TUNAR: variants seen among roughly 807,000 people sequenced by gnomAD.
TUNAR encodes protein TUNAR.
At chr14:95,917,221 T>A (rs1889619101) in intron 2 of TUNAR, among the ~76,000 whole-genome samples, 1 of 152,248 alleles carries the variant, frequency 6.6e-6, no homozygotes, top group South Asian at 2.1e-4. Flanking sequence ...CTATAATTCA[T>A]CTGGAACTGA....
chr14:95,915,454 G>T (rs541134175), intron 2 of TUNAR, among the ~76,000 whole-genome samples: 93 of 152,306 alleles, frequency 6.1e-4, no homozygotes, highest in Non-Finnish European at 7.9e-4. Context: ...CTAAGACTAA[G>T]CTCCAGAGAC....
In TUNAR at chr14:95,882,375, C is replaced by T. The variant is rs117475831; in HGVS notation, c.12+5198C>T. ...CATGGCCTCTGATACGTGATTACTG[C>T]GAACACTTATTCAGGGCATGGTAGT... is the stretch of plus-strand genomic sequence containing the variant. On this transcript the variant is annotated intron_variant, in intron 2 of 2. Coordinates refer to ENST00000678517, the Ensembl canonical transcript of TUNAR. Among the ~76,000 whole-genome samples the T allele has an allele frequency of 2.4e-3, 360 of 152,252 alleles. 2 individuals carry two copies. In the East Asian group the frequency reaches 0.032, roughly 13 times the overall value.
intron 2 of TUNAR, among the ~76,000 whole-genome samples, 196 bp downstream of exon 1, chr14:95,877,373 T>A (rs1473773935): frequency 2.0e-5 from 3 of 152,236 alleles, no homozygotes; most frequent in Non-Finnish European, 2.9e-5. Flanking sequence ...TGCTTTCTTC[T>A]GCCTTCTGGA....
At chr14:95,923,818 T>C (rs924029900) in exon 3 of TUNAR, 1 of 152,228 alleles carries the variant, frequency 6.6e-6, no homozygotes, top group African/African-American at 2.4e-5. Flanking sequence ...GATTGTCCAT[T>C]GAGTGGCTTT....
intron 2 of TUNAR, among the ~76,000 whole-genome samples, chr14:95,894,505 G>C (rs1889228248): frequency 6.6e-6 from 1 of 152,158 alleles, no homozygotes; most frequent in East Asian, 1.9e-4. Context: ...CAGGATTTGC[G>C]AACTTGCGGA....
chr14:95,898,042 G>C (rs1052483953), intron 2 of TUNAR, among the ~76,000 whole-genome samples: 4 of 152,090 alleles, frequency 2.6e-5, no homozygotes, highest in African/African-American at 9.7e-5. Flanking sequence ...CTGCCCCCAG[G>C]TCATCTTGGG....
At chr14:95,893,822 A>G (rs1889217297) in intron 2 of TUNAR, among the ~76,000 whole-genome samples, 1 of 152,232 alleles carries the variant, frequency 6.6e-6, no homozygotes, top group South Asian at 2.1e-4. Flanking sequence ...AAAGCTGCTC[A>G]TGGACACTGC....
intron 2 of TUNAR, among the ~76,000 whole-genome samples, chr14:95,882,183 C>T (rs150480061): frequency 1.1e-3 from 168 of 152,292 alleles, no homozygotes; most frequent in African/African-American, 3.8e-3. Context: ...GTCCTCGGTG[C>T]GGCCCATGGA....
At chr14:95,887,684 C>A (rs548638588) in intron 2 of TUNAR, among the ~76,000 whole-genome samples, 1 of 152,172 alleles carries the variant, frequency 6.6e-6, no homozygotes, top group South Asian at 2.1e-4. Context: ...CAGTACTAAT[C>A]TACCTGCTGG....
At chr14:95,909,268 C>T (rs573779689) in intron 2 of TUNAR, among the ~76,000 whole-genome samples, 1 of 150,932 alleles carries the variant, frequency 6.6e-6, no homozygotes, top group South Asian at 2.1e-4. Context: ...ACAAGGTTAT[C>T]CTTGCTGCCA....
chr14:95,923,332 C>T (rs982254568), exon 3 of TUNAR: 15 of 168,076 alleles, frequency 8.9e-5, no homozygotes, highest in South Asian at 2.0e-4. Context: ...ATGAATAGGG[C>T]GGACATGGCT....
chr14:95,879,921 C>A (rs1167202009), intron 2 of TUNAR, among the ~76,000 whole-genome samples: 13 of 152,202 alleles, frequency 8.5e-5, no homozygotes, highest in Admixed American at 8.5e-4. Context: ...GCAGCTGCCA[C>A]ACTTAGCATC....
At chr14:95,904,079 A>C (rs1889394821) in intron 2 of TUNAR, among the ~76,000 whole-genome samples, 1 of 152,186 alleles carries the variant, frequency 6.6e-6, no homozygotes, top group African/African-American at 2.4e-5. Flanking sequence ...GGCCATCTAT[A>C]ATCCCCCATT....
chr14:95,888,938 G>T (rs943075728), intron 2 of TUNAR, among the ~76,000 whole-genome samples: 4 of 152,154 alleles, frequency 2.6e-5, no homozygotes, highest in Admixed American at 1.3e-4. Context: ...GTGGGGTGTC[G>T]GATCCCGAGC....
chr14:95,911,698 C>G (rs777623334), intron 2 of TUNAR, among the ~76,000 whole-genome samples: 2 of 152,140 alleles, frequency 1.3e-5, no homozygotes, highest in African/African-American at 2.4e-5. Flanking sequence ...TACAGTTGAG[C>G]CTGAGCCACT....
intron 2 of TUNAR, among the ~76,000 whole-genome samples, chr14:95,899,721 TC>T (rs1031486361): frequency 1.1e-4 from 16 of 152,068 alleles, no homozygotes; most frequent in African/African-American, 3.6e-4. Flanking sequence ...AGAGCTGTCT[TC>T]TGGGGTCCCT....
rs116800087 is a variant in TUNAR at position 95,884,760 on chromosome 14, C to T, written c.12+7583C>T. On this transcript the variant is annotated intron_variant, in intron 2 of 2. Transcript: ENST00000678517. ...CTTCTTTCCACAAGTATTCACAAGA[C>T]ACCTGCTACGTCCAAACACTGCGGT... 6.6e-3 allele frequency among the ~76,000 whole-genome samples: 1,012 copies of T among 152,318 alleles called. 9 individuals are homozygous for T. The highest frequency in any genetic ancestry group is 0.023 in the African/African-American group (967 of 41,560).
chr14:95,879,254 C>G (rs1048917032), intron 2 of TUNAR, among the ~76,000 whole-genome samples: 39 of 152,160 alleles, frequency 2.6e-4, no homozygotes, highest in Admixed American at 2.4e-3. Context: ...ACGGGCATGT[C>G]CCACCTTTTT....
intron 2 of TUNAR, among the ~76,000 whole-genome samples, chr14:95,890,998 G>T (rs575377196): frequency 1.6e-4 from 24 of 152,304 alleles, no homozygotes; most frequent in Non-Finnish European, 2.6e-4. Flanking sequence ...GCAGCAGAAA[G>T]AATCGACCCG....
Sources: gnomAD v4.1 joint callset for allele counts (sites outside exome capture counted in the v4.1 genomes callset) on GRCh38, gnomAD v4.1.1 for gene constraint, MANE v1.5 for transcripts, NCBI Gene and HGNC (gene_info 2026-07-23, HGNC 2026-07-21) for gene names.